Variants in THADA observed in about 807,000 individuals in gnomAD.
The protein encoded by THADA is tRNA (32-2'-O)-methyltransferase regulator THADA.
A neutral mutation model predicts 219.8 loss-of-function variants in THADA; 213 were observed. The ratio of observed to expected loss-of-function variants is 0.97; its 90% CI spans 0.87 to 1.09. The LOEUF (loss-of-function observed/expected upper bound fraction) is 1.09, where lower values mean the gene tolerates loss of function less well. THADA is among the 50% of genes least tolerant of loss of function. THADA has a pLI of 0.00. For missense variants in THADA, 2,956 were observed against 2,311.3 expected, an observed-to-expected ratio of 1.28 and a Z score of -5.72; for synonymous variants, 1,018 against 828.9, an observed-to-expected ratio of 1.23 and a Z score of -3.92.
intron 29 of THADA, among the ~76,000 whole-genome samples, chr2:43,385,324 A>T (rs1271006831): frequency 6.6e-6 from 1 of 152,002 alleles, no homozygotes; most frequent in African/African-American, 2.4e-5. Flanking sequence ...AAGAAAGGGC[A>T]AGCTGGGTGC....
At chr2:43,389,371 T>C (rs1573411736) in intron 29 of THADA, among the ~76,000 whole-genome samples, 1 of 152,264 alleles carries the variant, frequency 6.6e-6, no homozygotes, top group East Asian at 1.9e-4. Flanking sequence ...TGTAGTCCCA[T>C]CTACTCTGGA....
At chr2:43,247,404 G>C (rs879329073) in intron 36 of THADA, among the ~76,000 whole-genome samples, 1 of 152,130 alleles carries the variant, frequency 6.6e-6, no homozygotes, top group Non-Finnish European at 1.5e-5. Flanking sequence ...GGCATGAAAA[G>C]TCCTACTGAC....
At chr2:43,491,222 C>A (rs1414528707) in intron 25 of THADA, among the ~76,000 whole-genome samples, 1 of 152,204 alleles carries the variant, frequency 6.6e-6, no homozygotes, top group Non-Finnish European at 1.5e-5. Flanking sequence ...ACTACATTAT[C>A]AACTCCTAAT....
In THADA at chr2:43,340,620, AT is replaced by A. The variant is rs903106311; in HGVS notation, c.4343+3501del. ...TGTCGGTGTTAAAATTTAAGGCAAC[AT>A]TTTTTTCTTTGCAAAAACATTAATT... is the stretch of plus-strand genomic sequence containing the variant. On this transcript the variant is annotated intron_variant, in intron 30 of 37. Coordinates refer to ENST00000405975, the MANE Select transcript of THADA (RefSeq NM_022065.5). Among the ~76,000 whole-genome samples, 5 of 152,194 alleles carry A rather than the reference AT, an allele frequency of 3.3e-5. No individual in the cohort carries two copies. In the East Asian group the frequency reaches 5.8e-4, roughly 18 times the overall value.
intron 26 of THADA, among the ~76,000 whole-genome samples, chr2:43,442,712 T>C (rs7586101): frequency 0.11 from 16,864 of 152,120 alleles, 1,076 homozygotes; most frequent in African/African-American, 0.16. Context: ...TGGACTAGGC[T>C]AGAGAGTAGA....
intron 26 of THADA, among the ~76,000 whole-genome samples, chr2:43,433,584 A>G (rs11899215): frequency 0.064 from 9,791 of 152,220 alleles, 906 homozygotes; most frequent in African/African-American, 0.2. Flanking sequence ...AGATGAGAGG[A>G]TTCCATATTA....
intron 27 of THADA, among the ~76,000 whole-genome samples, chr2:43,428,620 T>G (rs1033000536): frequency 6.6e-6 from 1 of 151,914 alleles, no homozygotes; most frequent in Non-Finnish European, 1.5e-5. Context: ...CAAAATTATG[T>G]ATATGAAGTG....
Position 43,320,545 on chromosome 2 carries a change from A to T in THADA, c.4344-5T>A. 1 of 1,604,350 alleles carries T rather than the reference A, an allele frequency of 6.2e-7. No homozygotes were observed. Among genetic ancestry groups the T allele is most frequent in the Non-Finnish European group, 8.5e-7 (1 of 1,172,930 alleles). On this transcript the variant is annotated splice_polypyrimidine_tract_variant and splice_region_variant and intron_variant, in intron 30 of 37. Transcript: ENST00000405975. ...GTCACCAAACATGGATTTTGCCTAG[A>T]AAGGTAAAGAACAGAATATAAATTG...
At chr2:43,327,633 G>A (rs1488636209) in intron 30 of THADA, among the ~76,000 whole-genome samples, 2 of 151,996 alleles carry the variant, frequency 1.3e-5, no homozygotes, top group African/African-American at 4.8e-5. Context: ...CTGGGTTTAG[G>A]TGGCACAGGC....
intron 36 of THADA, among the ~76,000 whole-genome samples, chr2:43,246,417 C>T (rs1463370818): frequency 6.6e-6 from 1 of 152,104 alleles, no homozygotes; most frequent in African/African-American, 2.4e-5. Flanking sequence ...ATCACTTGAA[C>T]CCGGGAGGTG....
chr2:43,328,355 G>A (rs910810488), intron 30 of THADA, among the ~76,000 whole-genome samples: 2 of 152,224 alleles, frequency 1.3e-5, no homozygotes, highest in African/African-American at 4.8e-5. Flanking sequence ...TGGGGGAGGT[G>A]TGACGGCAGA....
intron 28 of THADA, chr2:43,408,317 C>T (rs1324107297): frequency 3.9e-5 from 6 of 152,130 alleles, no homozygotes; most frequent in Admixed American, 3.9e-4. Context: ...GTGCTTGCCT[C>T]GGCAGCACAT....
At chr2:43,563,096 CCTTTT>C (rs1465375551) in intron 15 of THADA, 1 of 152,184 alleles carries the variant, frequency 6.6e-6, no homozygotes, top group South Asian at 2.1e-4. Context: ...TTGTTTCCTT[CCTTTT>C]AAGTTTGTTC....
chr2:43,461,412 T>C (rs1399486932), intron 26 of THADA, among the ~76,000 whole-genome samples: 1 of 152,132 alleles, frequency 6.6e-6, no homozygotes, highest in Non-Finnish European at 1.5e-5. Context: ...TAAAAAATGA[T>C]TTTTGAAAGG....
intron 21 of THADA, among the ~76,000 whole-genome samples, chr2:43,537,688 C>T (rs186784382): frequency 8.6e-5 from 13 of 152,014 alleles, no homozygotes; most frequent in Admixed American, 2.0e-4. Flanking sequence ...ATTTTTAGAC[C>T]GGGCATGGTA....
In THADA at chr2:43,356,221, G is replaced by C. The variant is rs149010682; in HGVS notation, c.4228-11984C>G. Among the ~76,000 whole-genome samples the C allele has an allele frequency of 7.9e-5, 12 of 152,256 alleles. No homozygotes were observed. In the East Asian group the frequency reaches 2.3e-3, roughly 29 times the overall value. Reference sequence around the variant, plus strand: ...TAAACAGTATTAAGACAATCAACCAGTCCTTTGGGAAATGATATAGTTGGA... The same window carrying C: ...TAAACAGTATTAAGACAATCAACCACTCCTTTGGGAAATGATATAGTTGGA... On this transcript the variant is annotated intron_variant, in intron 29 of 37. Transcript: ENST00000405975.
chr2:43,292,702 G>T, intron 32 of THADA, 132 bp downstream of exon 32: 1 of 1,133,090 alleles, frequency 8.8e-7, no homozygotes, highest in Non-Finnish European at 1.2e-6. Flanking sequence ...CTTATCCACT[G>T]GCTGCCGAAT....
At chr2:43,342,980 C>A (rs1352969110) in intron 30 of THADA, 1 of 152,024 alleles carries the variant, frequency 6.6e-6, no homozygotes, top group East Asian at 1.9e-4. Flanking sequence ...AGCCAATATA[C>A]TTTTTTCTTT....
Position 43,592,013 on chromosome 2 carries a change from G to T in THADA, c.110C>A (p.Ser37Tyr). The stretch of plus-strand genomic sequence containing the variant: ...GAGTTGCACACAATGTAACAGCAAA[G>T]AAGCTAGATTTTTCCCTTCCACATC... ...FADVEGKNLASLLLHCVQLTD... is the reference protein window; with the variant it reads ...FADVEGKNLAYLLLHCVQLTD... The change falls in exon 3 of 38, where the codon TCT becomes TAT. Residue 37 changes from serine to tyrosine, a missense_variant. Ser to Tyr is a moderately radical substitution (Grantham distance 144, BLOSUM62 -2). Coordinates refer to ENST00000405975, the MANE Select transcript of THADA (RefSeq NM_022065.5). 1 of 1,563,218 alleles carries T rather than the reference G, an allele frequency of 6.4e-7. No individual in the cohort carries two copies.
Sources: gnomAD v4.1 joint callset for allele counts (sites outside exome capture counted in the v4.1 genomes callset) on GRCh38, gnomAD v4.1.1 for gene constraint, MANE v1.5 for transcripts, NCBI Gene and HGNC (gene_info 2026-07-23, HGNC 2026-07-21) for gene names.